SNRK: variants seen among roughly 807,000 people sequenced by gnomAD.
The protein encoded by SNRK is SNF-related serine/threonine-protein kinase.
A neutral mutation model predicts 48.2 loss-of-function variants in SNRK; 3 were observed. The ratio of observed to expected loss-of-function variants is 0.06; its 90% CI spans 0.03 to 0.16. SNRK has a LOEUF of 0.16. SNRK is among the 10% of genes least tolerant of loss of function. The probability of loss-of-function intolerance (pLI) is 1.00; values close to 1 mark genes in which losing one functional copy is unlikely to be tolerated. For synonymous variants in SNRK, 376 were observed against 366.1 expected, an observed-to-expected ratio of 1.03 and a Z score of -0.31; for missense variants, 627 against 976.0, an observed-to-expected ratio of 0.64 and a Z score of 4.76.
intron 1 of SNRK, among the ~76,000 whole-genome samples, chr3:43,289,040 A>C (rs1348506924): frequency 6.6e-6 from 1 of 152,198 alleles, no homozygotes; most frequent in Non-Finnish European, 1.5e-5. Flanking sequence ...GCAGCAGTAG[A>C]AAAGTGAATA....
At chr3:43,313,231 AT>A (rs2090991490) in intron 3 of SNRK, among the ~76,000 whole-genome samples, 1 of 152,338 alleles carries the variant, frequency 6.6e-6, no homozygotes, top group South Asian at 2.1e-4. Flanking sequence ...TCCCAGAGAA[AT>A]GAATACCTGT....
intron 3 of SNRK, among the ~76,000 whole-genome samples, chr3:43,319,702 CA>C (rs1420308416): frequency 1.3e-5 from 2 of 152,132 alleles, no homozygotes; most frequent in African/African-American, 4.8e-5. Context: ...GTAACAAGCT[CA>C]TAATATTTAT....
intron 3 of SNRK, among the ~76,000 whole-genome samples, chr3:43,307,920 G>T (rs1037618396): frequency 2.0e-5 from 3 of 152,200 alleles, no homozygotes; most frequent in African/African-American, 7.2e-5. Flanking sequence ...GCCAAGTTAT[G>T]AATGCAAAAG....
At position 43,349,711 on chromosome 3, in the gene SNRK, G is replaced by T. The variant is rs2091308446; in HGVS notation, c.*1154G>T. On this transcript the variant is annotated 3_prime_UTR_variant, in exon 7 of 7. Coordinates refer to ENST00000296088, the MANE Select transcript of SNRK (RefSeq NM_017719.5). ...TTTTTCTGCCAAAACAATAATCAAA[G>T]AACTCTTGCTTTAACCTATTCCTGT... 6.6e-6 allele frequency: 1 copy of T among 152,106 alleles called. No homozygotes were observed. The highest frequency in any genetic ancestry group is 2.4e-5 in the African/African-American group (1 of 41,382). The allele number at this position is 152,106 out of a possible 1,614,324, so 9.4% of individuals were successfully genotyped here.
chr3:43,338,202 T>G (rs898962025), intron 4 of SNRK, among the ~76,000 whole-genome samples: 2 of 152,242 alleles, frequency 1.3e-5, no homozygotes, highest in Non-Finnish European at 1.5e-5. Context: ...ACAGAAACTG[T>G]TTACCCTTCC....
At position 43,332,321 on chromosome 3, in the gene SNRK, C is replaced by CA. The variant is rs765338917; in HGVS notation, c.731+14dup. 1 of 1,400,800 alleles carries CA rather than the reference C, an allele frequency of 7.1e-7. No individual in the cohort carries two copies. Among genetic ancestry groups the CA allele is most frequent in the South Asian group, 1.9e-5 (1 of 53,844 alleles). The allele number at this position is 1,400,800 out of a possible 1,614,324, so 86.8% of individuals were successfully genotyped here. ...TAAAGAGTGTAAAGAGTAAGTAAAA[C>CA]AAAGTATGTGGAAACCTTAAGGACT... On this transcript the variant is annotated intron_variant, in intron 4 of 6. Coordinates refer to ENST00000296088, the MANE Select transcript of SNRK (RefSeq NM_017719.5).
At chr3:43,287,002 C>T (rs1368912284) in intron 1 of SNRK, among the ~76,000 whole-genome samples, 3 of 147,912 alleles carry the variant, frequency 2.0e-5, no homozygotes, top group Admixed American at 6.7e-5. Flanking sequence ...TGCGGCACCT[C>T]GGAAGGCGCC....
rs2091291852 is a variant in SNRK at position 43,348,086 on chromosome 3, C to T, written c.1827C>T (p.Ser609=). ...SENNAGGGSP[S]SGSGGNPTNT... is the part of the protein sequence containing the mutation. Reference sequence around the variant, plus strand: ...ACAATGCTGGTGGGGGCAGTCCCTCCAGCGGCTCGGGTGGCAACCCCACCA... The same window carrying T: ...ACAATGCTGGTGGGGGCAGTCCCTCTAGCGGCTCGGGTGGCAACCCCACCA... The change falls in exon 7 of 7, where the codon TCC becomes TCT. Residue 609 remains serine (S), a synonymous_variant. Transcript: ENST00000296088. 2 of 1,592,660 alleles carry T rather than the reference C, an allele frequency of 1.3e-6. No homozygotes were observed. The highest frequency in any genetic ancestry group is 1.7e-6 in the Non-Finnish European group (2 of 1,169,572).
At chr3:43,331,539 A>G (rs2091146252) in intron 3 of SNRK, among the ~76,000 whole-genome samples, 1 of 152,202 alleles carries the variant, frequency 6.6e-6, no homozygotes, top group Non-Finnish European at 1.5e-5. Flanking sequence ...CTTTTCTGGT[A>G]TTGTAACGGC....
At position 43,350,866 on chromosome 3, in the gene SNRK, A is replaced by ATG. The variant is rs755113949; in HGVS notation, c.*2310_*2311insGT. 16 of 152,398 alleles carry ATG rather than the reference A, an allele frequency of 1.0e-4. No homozygotes were observed. Among genetic ancestry groups the ATG allele is most frequent in the Non-Finnish European group, 2.2e-4 (15 of 67,948 alleles). 9.4% of individuals were successfully genotyped at this position (152,398 alleles called of 1,614,324 possible). A position where few individuals can be genotyped will look rare whatever the true frequency, so the allele number is the denominator to read the frequency against. On this transcript the variant is annotated 3_prime_UTR_variant, in exon 7 of 7. Coordinates refer to ENST00000296088, the MANE Select transcript of SNRK (RefSeq NM_017719.5). ...GTCTTGTATTTTTCTGTATGTGTGT[A>ATG]TATATATATAATTATGTACTTCTGG...
At chr3:43,345,645 G>C (rs1252252620) in intron 6 of SNRK, among the ~76,000 whole-genome samples, 3 of 152,146 alleles carry the variant, frequency 2.0e-5, no homozygotes, top group African/African-American at 7.2e-5. Flanking sequence ...AATTGAGGGA[G>C]AACACAGGGA....
At chr3:43,343,513 T>G in intron 6 of SNRK, 35 bp downstream of exon 6, 1 of 1,595,360 alleles carries the variant, frequency 6.3e-7, no homozygotes, top group Non-Finnish European at 8.5e-7. Flanking sequence ...TTAGTAAGTT[T>G]AACGTTTTGA....
At chr3:43,302,548 A>G (rs1320680195) in intron 2 of SNRK, among the ~76,000 whole-genome samples, 2 of 152,136 alleles carry the variant, frequency 1.3e-5, no homozygotes, top group African/African-American at 4.8e-5. Flanking sequence ...ATAAGACCAC[A>G]TAGAATAGAG....
At position 43,348,119 on chromosome 3, in the gene SNRK, G is replaced by C; in HGVS notation, c.1860G>C (p.Ser620=). 1 of 1,586,658 alleles carries C rather than the reference G, an allele frequency of 6.3e-7. No individual in the cohort carries two copies. The highest frequency in any genetic ancestry group is 8.6e-7 in the Non-Finnish European group (1 of 1,166,774). ...CGGGTGGCAACCCCACCAATACATC[G>C]GGTACCACACGCCGCTGTGCCGGCC... ...SGSGGNPTNT[S]GTTRRCAGPS... The change falls in exon 7 of 7, where the codon TCG becomes TCC. Residue 620 remains serine (S), a synonymous_variant. Coordinates refer to ENST00000296088, the MANE Select transcript of SNRK (RefSeq NM_017719.5).
At chr3:43,292,115 T>C (rs1253549086) in intron 1 of SNRK, among the ~76,000 whole-genome samples, 1 of 152,214 alleles carries the variant, frequency 6.6e-6, no homozygotes, top group Non-Finnish European at 1.5e-5. Context: ...CAAAAGACAT[T>C]TTAAAAATTA....
chr3:43,319,232 A>G (rs183297522), intron 3 of SNRK, among the ~76,000 whole-genome samples: 1 of 152,146 alleles, frequency 6.6e-6, no homozygotes, highest in Admixed American at 6.5e-5. Flanking sequence ...TTGTAATAAG[A>G]AAGTATTTCT....
chr3:43,350,827 A>G lies in SNRK; in HGVS notation c.*2270A>G, dbSNP rs1439938178. 6.6e-6 allele frequency: 1 copy of G among 152,444 alleles called. No homozygotes were observed. Among genetic ancestry groups the G allele is most frequent in the Non-Finnish European group, 1.5e-5 (1 of 67,982 alleles). 9.4% of individuals were successfully genotyped at this position (152,444 alleles called of 1,614,324 possible). The stretch of plus-strand genomic sequence containing the variant: ...AGTTACAGTAGTGTATAAATTAAAT[A>G]TTGTGGAAAAACAGTCTTGTATTTT... On this transcript the variant is annotated 3_prime_UTR_variant, in exon 7 of 7. Coordinates refer to ENST00000296088, the MANE Select transcript of SNRK (RefSeq NM_017719.5).
chr3:43,340,621 TG>T, intron 5 of SNRK, 122 bp downstream of exon 5: 5 of 861,746 alleles, frequency 5.8e-6, no homozygotes, highest in Non-Finnish European at 8.9e-6. Context: ...TGGCAAGAGT[TG>T]TGTCATTTAT....
chr3:43,303,862 A>G lies in SNRK; in HGVS notation c.589+70A>G, dbSNP rs1383426435. The G allele has an allele frequency of 2.7e-6, 3 of 1,125,700 alleles. No homozygotes were observed. The highest frequency in any genetic ancestry group is 3.8e-6 in the Non-Finnish European group (3 of 781,144). 69.7% of individuals were successfully genotyped at this position (1,125,700 alleles called of 1,614,324 possible). ...CTAGAGTTGGTCAGATCGGTTGTTT[A>G]TCTAAAAATGATTTCTAGAGAATTT... On this transcript the variant is annotated intron_variant, in intron 3 of 6. Transcript: ENST00000296088. The surrounding 1 kb of genome is among the most constrained non-coding windows in gnomAD (Gnocchi z 6.2).
Sources: gnomAD v4.1 joint callset for allele counts (sites outside exome capture counted in the v4.1 genomes callset) on GRCh38, gnomAD v4.1.1 for gene constraint, Gnocchi (gnomAD v3.1) non-coding constraint, MANE v1.5 for transcripts, NCBI Gene and HGNC (gene_info 2026-07-23, HGNC 2026-07-21) for gene names.